TENM1: variants seen among roughly 807,000 people sequenced by gnomAD.
TENM1 encodes the protein teneurin-1.
TENM1 carries 35 observed loss-of-function variants against 174.8 expected under a neutral mutation model. The ratio of observed to expected loss-of-function variants is 0.20; its 90% CI spans 0.15 to 0.27. The LOEUF (loss-of-function observed/expected upper bound fraction) is 0.27. TENM1 is among the 10% of genes least tolerant of loss of function. The probability of loss-of-function intolerance (pLI) is 1.00; values close to 1 mark genes in which losing one functional copy is unlikely to be tolerated. For synonymous variants in TENM1, 781 were observed against 798.7 expected, an observed-to-expected ratio of 0.98 and a Z score of 0.37; for missense variants, 1,633 against 2,130.1, an observed-to-expected ratio of 0.77 and a Z score of 4.59.
At chrX:124,998,236 T>C in the TENM1 span, among the ~76,000 whole-genome samples, 1 of 110,020 alleles carries the variant, frequency 9.1e-6, no homozygotes, top group Non-Finnish European at 1.9e-5. Context: ...AGAAGTATAG[T>C]CCCTGACTTC....
Position 124,849,135 on chromosome X carries a change from T to C in TENM1, c.535+45161A>G, listed in dbSNP as rs188814938. 9.9e-3 allele frequency among the ~76,000 whole-genome samples: 1,107 copies of C among 111,360 alleles called. 10 individuals carry two copies. Among genetic ancestry groups the C allele is most frequent in the African/African-American group, 0.034 (1,046 of 30,667 alleles). ...AGGTATTTGCATGTTGAATTAGGCATGTTAAACTATTATCAAGGGATACTA... is the reference window on the plus strand; with the variant it reads ...AGGTATTTGCATGTTGAATTAGGCACGTTAAACTATTATCAAGGGATACTA... On this transcript the variant is annotated intron_variant, in intron 3 of 31. Transcript: ENST00000422452.
intron 1 of TENM1, among the ~76,000 whole-genome samples, chrX:124,899,564 A>C (rs2057622361): frequency 9.0e-6 from 1 of 111,506 alleles, no homozygotes; most frequent in Non-Finnish European, 1.9e-5. Context: ...TGCTATTATG[A>C]ATAGTGCTGC....
rs747497256 is a variant in TENM1, at chrX:124,637,093, C to CT, written c.2077+4697dup. The stretch of plus-strand genomic sequence containing the variant: ...CTTTTTTCTTTTCTTTTCTTTCTTT[C>CT]TTTTTTTTTTTTTGTGACGGAGTTT... On this transcript the variant is annotated intron_variant, in intron 11 of 31. Coordinates refer to ENST00000422452, the Ensembl canonical transcript of TENM1. Among the ~76,000 whole-genome samples the CT allele has an allele frequency of 4.5e-3, 457 of 101,974 alleles. 2 individuals are homozygous for CT. Among genetic ancestry groups the CT allele is most frequent in the African/African-American group, 0.011 (307 of 28,339 alleles). 88.6% of individuals were successfully genotyped at this position (101,974 alleles called of 115,157 possible). A position where few individuals can be genotyped will look rare whatever the true frequency, so the allele number is the denominator to read the frequency against.
chrX:124,978,295 T>C, the TENM1 span, among the ~76,000 whole-genome samples: 2 of 111,934 alleles, frequency 1.8e-5, no homozygotes, highest in African/African-American at 6.5e-5. Flanking sequence ...ATATGTATAA[T>C]AGTTGCTTTG....
the TENM1 span, among the ~76,000 whole-genome samples, chrX:125,022,342 T>C: frequency 1.8e-5 from 2 of 111,487 alleles, no homozygotes; most frequent in African/African-American, 3.3e-5. Context: ...CCAACACAAA[T>C]GGGGAAAAAG....
At chrX:124,382,931 A>G in intron 30 of TENM1, 119 bp from the exon 34 acceptor site, 1 of 267,009 alleles carries the variant, frequency 3.7e-6, no homozygotes. Context: ...AGTTAGGAAT[A>G]AAACTCCTAT....
the TENM1 span, among the ~76,000 whole-genome samples, chrX:125,065,173 C>A: frequency 8.9e-6 from 1 of 112,133 alleles, no homozygotes; most frequent in African/African-American, 3.2e-5. Context: ...AAAGCAAAAG[C>A]AGACAGGTCA....
intron 23 of TENM1, among the ~76,000 whole-genome samples, chrX:124,440,184 G>A (rs1207995332): frequency 4.5e-5 from 5 of 112,082 alleles, no homozygotes; most frequent in Non-Finnish European, 9.4e-5. Context: ...GGTCTGGGTT[G>A]CATAAGCAAT....
the TENM1 span, among the ~76,000 whole-genome samples, chrX:125,065,136 G>T: frequency 8.9e-6 from 1 of 111,952 alleles, no homozygotes; most frequent in African/African-American, 3.2e-5. Context: ...CAAAGCAATG[G>T]CTATGAAGAG....
chrX:125,168,518 C>T, the TENM1 span, among the ~76,000 whole-genome samples: 1 of 111,512 alleles, frequency 9.0e-6, no homozygotes, highest in South Asian at 3.7e-4. Context: ...TTCTACCCAA[C>T]AGAATATGGC....
At chrX:124,481,904 T>G (rs756195049) in exon 22 of TENM1, 1 of 1,203,080 alleles carries the variant, frequency 8.3e-7, no homozygotes, top group Admixed American at 2.2e-5. Context: ...TGGTGTCTGA[T>G]AGATAGAGTG....
At chrX:125,008,260 G>GAA in the TENM1 span, among the ~76,000 whole-genome samples, 5,915 of 103,351 alleles carry the variant, frequency 0.057, 320 homozygotes, top group African/African-American at 0.16. Context: ...AATGTTAAAC[G>GAA]AAAAAAAAAA....
At chrX:125,125,146 T>G in the TENM1 span, among the ~76,000 whole-genome samples, 9 of 111,955 alleles carry the variant, frequency 8.0e-5, no homozygotes, top group Admixed American at 8.6e-4. Context: ...TTGAATTGCA[T>G]CAACTCACAT....
chrX:124,513,007 C>T (rs192973059), intron 18 of TENM1, among the ~76,000 whole-genome samples: 1 of 112,012 alleles, frequency 8.9e-6, no homozygotes, highest in African/African-American at 3.2e-5. Context: ...TCTAACTGGA[C>T]TGCATGAATG....
intron 14 of TENM1, among the ~76,000 whole-genome samples, chrX:124,553,629 A>T (rs957949955): frequency 9.1e-6 from 1 of 109,556 alleles, no homozygotes; most frequent in Non-Finnish European, 1.9e-5. Context: ...CCTTTAAAAA[A>T]AAAAAAAAAA....
chrX:125,154,275 C>T, the TENM1 span, among the ~76,000 whole-genome samples: 38 of 111,266 alleles, frequency 3.4e-4, no homozygotes, highest in African/African-American at 1.1e-3. Context: ...GAGTCATAAC[C>T]CTGGGGTTTG....
At chrX:125,157,856 G>A in the TENM1 span, among the ~76,000 whole-genome samples, 1 of 111,605 alleles carries the variant, frequency 9.0e-6, no homozygotes, top group Non-Finnish European at 1.9e-5. Context: ...TAAGTCAGGG[G>A]AAAAGTGTCA....
At chrX:124,817,976 C>T (rs978297944) in intron 3 of TENM1, among the ~76,000 whole-genome samples, 4 of 111,007 alleles carry the variant, frequency 3.6e-5, no homozygotes, top group African/African-American at 1.3e-4. Context: ...AGAAAATCTT[C>T]AATCAGCTAT....
chrX:124,816,243 A>G (rs1201797838), intron 3 of TENM1, among the ~76,000 whole-genome samples: 1 of 111,949 alleles, frequency 8.9e-6, no homozygotes, highest in African/African-American at 3.2e-5. Context: ...TACACAAAAT[A>G]AACTTTTCTC....
Sources: gnomAD v4.1 joint callset for allele counts (sites outside exome capture counted in the v4.1 genomes callset) on GRCh38, gnomAD v4.1.1 for gene constraint, MANE v1.5 for transcripts, NCBI Gene and HGNC (gene_info 2026-07-23, HGNC 2026-07-21) for gene names.